Variants in TAFA4 observed in about 807,000 individuals in gnomAD.
The protein encoded by TAFA4 is TAFA chemokine like family member 4, also known as chemokine-like protein TAFA-4.
In TAFA4, 20 loss-of-function variants were observed where a neutral mutation model predicts 21.1. The ratio of observed to expected loss-of-function variants is 0.95; its 90% CI spans 0.67 to 1.38. The LOEUF is 1.38. TAFA4 is among the 40% of genes most tolerant of loss of function. The pLI is 0.00. For synonymous variants in TAFA4, 71 were observed against 67.4 expected (o/e 1.05, Z -0.26); for missense variants, 211 against 180.9 (o/e 1.17, Z -0.95).
chr3:68,868,291 A>C (rs996960117), intron 3 of TAFA4, among the ~76,000 whole-genome samples: 4 of 152,080 alleles, frequency 2.6e-5, no homozygotes, highest in African/African-American at 7.2e-5. Flanking sequence ...CAGCAAGAGG[A>C]TATAACAACT....
chr3:68,856,694 C>T (rs969846219), intron 3 of TAFA4, among the ~76,000 whole-genome samples: 7 of 152,106 alleles, frequency 4.6e-5, no homozygotes, highest in South Asian at 2.1e-4. Flanking sequence ...CATGGAAAGT[C>T]GCTCAACCCA....
chr3:68,931,951 G>A (rs1575679776), intron 1 of TAFA4, among the ~76,000 whole-genome samples: 1 of 152,148 alleles, frequency 6.6e-6, no homozygotes, highest in South Asian at 2.1e-4. Flanking sequence ...GCACCCCCGG[G>A]GATTCTGTCA....
intron 3 of TAFA4, among the ~76,000 whole-genome samples, chr3:68,810,653 G>A (rs1703814841): frequency 1.3e-5 from 2 of 151,726 alleles, no homozygotes. Flanking sequence ...CGAGGCTTGA[G>A]TAGGTAAACA....
At chr3:68,858,994 G>A (rs1231643066) in intron 3 of TAFA4, among the ~76,000 whole-genome samples, 1 of 151,866 alleles carries the variant, frequency 6.6e-6, no homozygotes, top group Non-Finnish European at 1.5e-5. Flanking sequence ...CAAGAGTTGG[G>A]GTGGGGAGCT....
chr3:68,812,862 C>T (rs1482487980), intron 3 of TAFA4, among the ~76,000 whole-genome samples: 5 of 151,662 alleles, frequency 3.3e-5, no homozygotes, highest in Non-Finnish European at 1.5e-5. Flanking sequence ...CCCAAATCAA[C>T]AGAATATACA....
intron 3 of TAFA4, among the ~76,000 whole-genome samples, chr3:68,840,306 T>C (rs1317042823): frequency 6.6e-6 from 1 of 152,166 alleles, no homozygotes; most frequent in East Asian, 1.9e-4. Context: ...CTCCTGGGTT[T>C]AAGTGATCCC....
At chr3:68,741,168 T>C (rs745388988) in intron 4 of TAFA4, among the ~76,000 whole-genome samples, 12 of 152,232 alleles carry the variant, frequency 7.9e-5, no homozygotes, top group Non-Finnish European at 1.8e-4. Flanking sequence ...ACTGTTTTTC[T>C]ATCTTTGTGG....
At chr3:68,924,349 CATT>C (rs2107029009) in intron 1 of TAFA4, among the ~76,000 whole-genome samples, 1 of 152,250 alleles carries the variant, frequency 6.6e-6, no homozygotes, top group South Asian at 2.1e-4. Flanking sequence ...ACCTTGAAGA[CATT>C]ATGCTAAGTG....
chr3:68,815,223 C>A lies in TAFA4; in HGVS notation c.131-62205G>T, dbSNP rs1484590922. Among the ~76,000 whole-genome samples the A allele has an allele frequency of 2.6e-5, 4 of 152,194 alleles. No homozygotes were observed. The East Asian group carries it at 7.7e-4, about 29-fold the overall frequency. On this transcript the variant is annotated intron_variant, in intron 3 of 5. Transcript: ENST00000295569. ...AACCATAAAAACCCTAGAAGAAAAC[C>A]TAGGCAATACCATTCAGGACATAGG... is the stretch of plus-strand genomic sequence containing the variant.
chr3:68,817,813 C>A (rs542474487), intron 3 of TAFA4, among the ~76,000 whole-genome samples: 23 of 152,118 alleles, frequency 1.5e-4, no homozygotes, highest in Admixed American at 1.3e-3. Context: ...ACTCAGAAAA[C>A]CATACTATAA....
intron 3 of TAFA4, among the ~76,000 whole-genome samples, chr3:68,864,831 G>A (rs766952096): frequency 2.7e-5 from 4 of 150,090 alleles, no homozygotes. Context: ...CAACATGGAA[G>A]AATCATAGAA....
At chr3:68,828,552 T>C (rs906388336) in intron 3 of TAFA4, among the ~76,000 whole-genome samples, 4 of 152,184 alleles carry the variant, frequency 2.6e-5, no homozygotes, top group Non-Finnish European at 4.4e-5. Flanking sequence ...TTTTATTTCA[T>C]TGAGCAATGG....
chr3:68,883,451 A>T (rs1458658391), intron 2 of TAFA4, among the ~76,000 whole-genome samples: 2 of 152,212 alleles, frequency 1.3e-5, no homozygotes, highest in Non-Finnish European at 2.9e-5. Context: ...GTGTATGTGA[A>T]ACCTTAAAAA....
chr3:68,818,762 G>C (rs1420057295), intron 3 of TAFA4, among the ~76,000 whole-genome samples: 1 of 152,200 alleles, frequency 6.6e-6, no homozygotes, highest in Non-Finnish European at 1.5e-5. Context: ...CCTGGGCACA[G>C]TGCATGGTGT....
intron 5 of TAFA4, among the ~76,000 whole-genome samples, chr3:68,737,217 C>T (rs1702258874): frequency 6.6e-6 from 1 of 152,034 alleles, no homozygotes; most frequent in East Asian, 1.9e-4. Flanking sequence ...AATTCGTGGG[C>T]TACTCCAAGA....
Position 68,785,298 on chromosome 3 carries a change from C to T in TAFA4, c.131-32280G>A, listed in dbSNP as rs547276657. Among the ~76,000 whole-genome samples, 4 of 152,358 alleles carry T rather than the reference C, an allele frequency of 2.6e-5. No homozygotes were observed. In the South Asian group the frequency reaches 6.2e-4, roughly 24 times the overall value. ...TGCAGGTGGAGCTGCCTGCCAGTCC[C>T]GCACCATGCGCCCACACTCCTCAGC... On this transcript the variant is annotated intron_variant, in intron 3 of 5. Transcript: ENST00000295569.
At chr3:68,920,984 G>C (rs556043329) in intron 1 of TAFA4, among the ~76,000 whole-genome samples, 4 of 152,168 alleles carry the variant, frequency 2.6e-5, no homozygotes, top group Non-Finnish European at 4.4e-5. Flanking sequence ...TCTTCTAACT[G>C]TCTGGGGTTG....
In TAFA4 at chr3:68,918,458, C is replaced by T. The variant is rs567071304; in HGVS notation, c.-123+13782G>A. ...ACTTCTAAAAATGTCTTTCAAGAAA[C>T]GAAAAAGAAGCTCTTGTTTTCATTG... On this transcript the variant is annotated intron_variant, in intron 1 of 5. Coordinates refer to ENST00000295569, the MANE Select transcript of TAFA4 (RefSeq NM_182522.5). 4.2e-4 allele frequency among the ~76,000 whole-genome samples: 64 copies of T among 152,174 alleles called. No individual in the cohort carries two copies. The South Asian group carries it at 0.012, about 30-fold the overall frequency.
chr3:68,906,895 G>A (rs2106995673), intron 1 of TAFA4, among the ~76,000 whole-genome samples: 1 of 152,078 alleles, frequency 6.6e-6, no homozygotes, highest in Non-Finnish European at 1.5e-5. Context: ...GCTGGGCATG[G>A]TGGCGCATAC....
Sources: gnomAD v4.1 joint callset for allele counts (sites outside exome capture counted in the v4.1 genomes callset) on GRCh38, gnomAD v4.1.1 for gene constraint, MANE v1.5 for transcripts, NCBI Gene and HGNC (gene_info 2026-07-23, HGNC 2026-07-21) for gene names.